OSBPL10: variants seen among roughly 807,000 people sequenced by gnomAD.
OSBPL10 encodes oxysterol binding protein like 10.
OSBPL10 carries 49 observed loss-of-function variants against 81.7 expected under a neutral mutation model. The ratio of observed to expected loss-of-function variants is 0.60; its 90% CI spans 0.48 to 0.76. The LOEUF (loss-of-function observed/expected upper bound fraction) is 0.76. Ranked by LOEUF, OSBPL10 falls within the 30% of genes least tolerant of loss-of-function variation. The pLI is 0.00. For synonymous variants in OSBPL10, 419 were observed against 383.6 expected, an observed-to-expected ratio of 1.09 and a Z score of -1.08; for missense variants, 923 against 987.8, an observed-to-expected ratio of 0.93 and a Z score of 0.88.
At chr3:31,718,140 T>G (rs1024154896) in intron 6 of OSBPL10, 3 of 151,938 alleles carry the variant, frequency 2.0e-5, no homozygotes, top group African/African-American at 4.8e-5. Context: ...TTTTTTTTTT[T>G]CTTTTGAGAC....
chr3:31,807,572 C>CAA (rs35786919), intron 4 of OSBPL10, among the ~76,000 whole-genome samples: 138 of 108,426 alleles, frequency 1.3e-3, no homozygotes, highest in African/African-American at 4.4e-3. Context: ...CACATCTCTA[C>CAA]AAAAAAAAAA....
At chr3:32,033,088 T>C (rs1468966670) in intron 2 of OSBPL10, among the ~76,000 whole-genome samples, 1 of 152,234 alleles carries the variant, frequency 6.6e-6, no homozygotes, top group Non-Finnish European at 1.5e-5. Context: ...TGTGTGTTAC[T>C]GAACAGTTCT....
chr3:31,774,393 C>T (rs1262488506), intron 4 of OSBPL10, among the ~76,000 whole-genome samples: 1 of 152,094 alleles, frequency 6.6e-6, no homozygotes, highest in Non-Finnish European at 1.5e-5. Flanking sequence ...CTGGAGCAGG[C>T]GAGCGGAGTG....
At position 31,895,563 on chromosome 3, in the gene OSBPL10, C is replaced by T. The variant is rs183439652; in HGVS notation, c.282-15733G>A. The stretch of plus-strand genomic sequence containing the variant: ...CTCAGGTGGTTACAATTGCAGTCAA[C>T]GTGGAGAATCTGTGATGGACTCCAA... On this transcript the variant is annotated intron_variant, in intron 1 of 11. Transcript: ENST00000396556. Among the ~76,000 whole-genome samples, 905 of 152,256 alleles carry T rather than the reference C, an allele frequency of 5.9e-3. 4 individuals carry two copies. Among genetic ancestry groups the T allele is most frequent in the Middle Eastern group, 0.024 (7 of 294 alleles).
intron 1 of OSBPL10, among the ~76,000 whole-genome samples, chr3:31,934,227 C>G (rs1697324967): frequency 6.6e-6 from 1 of 151,822 alleles, no homozygotes; most frequent in Non-Finnish European, 1.5e-5. Flanking sequence ...AACAGCTACT[C>G]AGGAGGCTGA....
chr3:31,747,508 A>AAAC (rs1173164007), intron 5 of OSBPL10, among the ~76,000 whole-genome samples: 1 of 151,548 alleles, frequency 6.6e-6, no homozygotes, highest in Non-Finnish European at 1.5e-5. Flanking sequence ...AAAAAAAAAA[A>AAAC]AACACAGAAT....
intron 1 of OSBPL10, among the ~76,000 whole-genome samples, chr3:31,954,804 G>A (rs1697961150): frequency 6.6e-6 from 1 of 152,168 alleles, no homozygotes; most frequent in South Asian, 2.1e-4. Context: ...AATGATATGT[G>A]TTAATGACAT....
At chr3:31,757,533 G>T (rs763160388) in intron 4 of OSBPL10, among the ~76,000 whole-genome samples, 4 of 152,188 alleles carry the variant, frequency 2.6e-5, no homozygotes, top group African/African-American at 4.8e-5. Flanking sequence ...GTGAGACAAT[G>T]AATTTCTGTT....
At chr3:32,023,952 G>A (rs774530960) in intron 2 of OSBPL10, among the ~76,000 whole-genome samples, 4 of 152,232 alleles carry the variant, frequency 2.6e-5, no homozygotes, top group South Asian at 2.1e-4. Flanking sequence ...ATCTTAAACC[G>A]ATAAACTGTT....
chr3:31,706,869 A>T (rs1014292581), intron 6 of OSBPL10, among the ~76,000 whole-genome samples: 3 of 151,630 alleles, frequency 2.0e-5, no homozygotes, highest in Admixed American at 2.0e-4. Context: ...GGCTTCGTTC[A>T]CTCCACCCAT....
At chr3:31,864,774 G>A (rs1451676368) in intron 3 of OSBPL10, among the ~76,000 whole-genome samples, 3 of 152,144 alleles carry the variant, frequency 2.0e-5, no homozygotes, top group African/African-American at 4.8e-5. Flanking sequence ...TTTTGGACTT[G>A]CCTTAGGAAG....
chr3:31,804,672 G>A (rs996774025), intron 4 of OSBPL10, among the ~76,000 whole-genome samples: 2 of 152,154 alleles, frequency 1.3e-5, no homozygotes, highest in East Asian at 1.9e-4. Context: ...ACGTAACAGC[G>A]CCTACCAAAC....
At chr3:31,778,281 AT>A (rs1698599443) in intron 4 of OSBPL10, among the ~76,000 whole-genome samples, 1 of 152,280 alleles carries the variant, frequency 6.6e-6, no homozygotes, top group East Asian at 1.9e-4. Context: ...GGCAGCCATA[AT>A]CCCCTCTGGA....
At chr3:31,999,718 A>T (rs1397794406) in intron 2 of OSBPL10, among the ~76,000 whole-genome samples, 1 of 152,128 alleles carries the variant, frequency 6.6e-6, no homozygotes, top group East Asian at 1.9e-4. Flanking sequence ...GGGTTCAGAA[A>T]ATATGGCTGC....
chr3:31,684,651 G>A (rs1700745694), intron 7 of OSBPL10, among the ~76,000 whole-genome samples: 1 of 152,212 alleles, frequency 6.6e-6, no homozygotes, highest in Admixed American at 6.5e-5. Flanking sequence ...GAAGAATGGT[G>A]TACAAGCCCC....
chr3:31,988,117 T>C (rs1698961710), intron 2 of OSBPL10, among the ~76,000 whole-genome samples: 1 of 152,208 alleles, frequency 6.6e-6, no homozygotes, highest in Admixed American at 6.5e-5. Flanking sequence ...ACTGATCGCT[T>C]TGCACCTCCT....
chr3:31,979,277 A>T (rs1390920844), intron 1 of OSBPL10, among the ~76,000 whole-genome samples: 1 of 152,246 alleles, frequency 6.6e-6, no homozygotes, highest in East Asian at 1.9e-4. Context: ...AAATAAAAGG[A>T]TTCAAAAGTT....
intron 1 of OSBPL10, among the ~76,000 whole-genome samples, chr3:32,052,676 C>T (rs999281506): frequency 3.3e-5 from 5 of 152,098 alleles, no homozygotes; most frequent in South Asian, 2.1e-4. Context: ...AGCTGGAAAC[C>T]ATCATTCTCA....
At chr3:31,959,477 C>G (rs902179944) in intron 1 of OSBPL10, among the ~76,000 whole-genome samples, 1 of 152,082 alleles carries the variant, frequency 6.6e-6, no homozygotes, top group Non-Finnish European at 1.5e-5. Context: ...TGTTAATACC[C>G]CAGGATCACT....
Sources: allele counts gnomAD v4.1 joint callset (sites outside exome capture counted in the v4.1 genomes callset), GRCh38; gene constraint gnomAD v4.1.1; transcripts MANE v1.5; gene names NCBI Gene and HGNC (gene_info 2026-07-23, HGNC 2026-07-21).